Variants in PEBP4 observed in about 807,000 individuals in gnomAD.
PEBP4 encodes phosphatidylethanolamine-binding protein 4.
In PEBP4, 22 loss-of-function variants were observed where a neutral mutation model predicts 23.9. The observed-to-expected ratio is 0.92, with a 90% CI of 0.66 to 1.31. PEBP4 has a LOEUF of 1.31. Ranked by LOEUF, PEBP4 falls within the 40% of genes most tolerant of loss-of-function variation. The pLI is 0.00. For synonymous variants in PEBP4, 112 were observed against 99.3 expected, an observed-to-expected ratio of 1.13 and a Z score of -0.76; for missense variants, 324 against 281.7, an observed-to-expected ratio of 1.15 and a Z score of -1.07.
At chr8:22,721,305 AG>A (rs2128748171) in intron 6 of PEBP4, among the ~76,000 whole-genome samples, 1 of 152,226 alleles carries the variant, frequency 6.6e-6, no homozygotes, top group East Asian at 1.9e-4. Context: ...AGACCCAGGG[AG>A]GGGAGGTCAC....
intron 3 of PEBP4, among the ~76,000 whole-genome samples, chr8:22,905,343 T>A (rs1053294854): frequency 6.6e-6 from 1 of 152,082 alleles, no homozygotes. Flanking sequence ...CCTTTATGCA[T>A]AAAGATAATA....
intron 3 of PEBP4, among the ~76,000 whole-genome samples, chr8:22,834,890 G>A (rs1807167740): frequency 6.6e-6 from 1 of 152,158 alleles, no homozygotes; most frequent in African/African-American, 2.4e-5. Flanking sequence ...CCAGTCCTTG[G>A]CTGAATCAGC....
At chr8:22,789,902 TC>T (rs1806102395) in intron 4 of PEBP4, among the ~76,000 whole-genome samples, 1 of 152,246 alleles carries the variant, frequency 6.6e-6, no homozygotes, top group African/African-American at 2.4e-5. Flanking sequence ...TGCCCTGTAG[TC>T]CATGTTGATT....
intron 4 of PEBP4, among the ~76,000 whole-genome samples, chr8:22,731,615 TTTTA>T (rs756455154): frequency 0.15 from 21,848 of 147,586 alleles, 1,936 homozygotes; most frequent in Middle Eastern, 0.22. Flanking sequence ...GCCCTCATTG[TTTTA>T]TTTATTTATT....
chr8:22,783,318 G>A (rs1443593731), intron 4 of PEBP4, among the ~76,000 whole-genome samples: 1 of 152,258 alleles, frequency 6.6e-6, no homozygotes, highest in Non-Finnish European at 1.5e-5. Flanking sequence ...GCTGTCTAAT[G>A]TGGATGGCAG....
At chr8:22,826,149 C>T (rs1806964075) in intron 3 of PEBP4, among the ~76,000 whole-genome samples, 1 of 152,174 alleles carries the variant, frequency 6.6e-6, no homozygotes, top group Non-Finnish European at 1.5e-5. Flanking sequence ...TCATATTGTA[C>T]ACTCAAAAAT....
At chr8:22,728,547 T>C (rs62494334) in intron 4 of PEBP4, among the ~76,000 whole-genome samples, 6,117 of 106,980 alleles carry the variant, frequency 0.057, 151 homozygotes, top group African/African-American at 0.079. Context: ...TTCCTTCCTT[T>C]CTTTCTTTCT....
chr8:22,926,068 C>A (rs945208349), intron 2 of PEBP4, among the ~76,000 whole-genome samples: 8 of 151,184 alleles, frequency 5.3e-5, no homozygotes, highest in Admixed American at 2.0e-4. Context: ...CTCCACCTCC[C>A]AGATTCAAGG....
chr8:22,744,422 A>G (rs1162975092), intron 4 of PEBP4, among the ~76,000 whole-genome samples: 1 of 152,194 alleles, frequency 6.6e-6, no homozygotes, highest in Non-Finnish European at 1.5e-5. Flanking sequence ...CGGTGGAAAA[A>G]GACTCATGTA....
At chr8:22,788,909 G>T (rs1489704907) in intron 4 of PEBP4, among the ~76,000 whole-genome samples, 2 of 152,194 alleles carry the variant, frequency 1.3e-5, no homozygotes, top group African/African-American at 4.8e-5. Flanking sequence ...TCCAATAGTA[G>T]AGGATTGGCT....
chr8:22,875,776 C>T (rs868571428), intron 3 of PEBP4, among the ~76,000 whole-genome samples: 3 of 152,014 alleles, frequency 2.0e-5, no homozygotes, highest in African/African-American at 7.3e-5. Context: ...TCCAGAAACC[C>T]GGCGAAGTCT....
At chr8:22,770,547 C>A (rs1805697560) in intron 4 of PEBP4, among the ~76,000 whole-genome samples, 1 of 152,200 alleles carries the variant, frequency 6.6e-6, no homozygotes, top group Non-Finnish European at 1.5e-5. Flanking sequence ...GGGTTGGGGT[C>A]TGGGGTGAAT....
rs1482208701 is a variant in PEBP4 at position 22,817,746 on chromosome 8, T to C, written c.259-11A>G. On this transcript the variant is annotated splice_polypyrimidine_tract_variant and intron_variant, in intron 3 of 6. Transcript: ENST00000256404. Reference sequence around the variant, plus strand: ...GATATAGGTTGCGCCCTGTAACACATGTACCGAAAAGTAATGTAGCGTCAT... The same window carrying C: ...GATATAGGTTGCGCCCTGTAACACACGTACCGAAAAGTAATGTAGCGTCAT... The C allele has an allele frequency of 1.2e-6, 2 of 1,612,086 alleles. No homozygotes were observed. The highest frequency in any genetic ancestry group is 1.7e-5 in the Admixed American group (1 of 60,006).
chr8:22,848,624 A>AT (rs1200094561), intron 3 of PEBP4, among the ~76,000 whole-genome samples: 2 of 152,142 alleles, frequency 1.3e-5, no homozygotes, highest in East Asian at 3.9e-4. Context: ...AAACAGATCA[A>AT]TTTTTGGTAG....
chr8:22,792,617 C>T (rs927026684), intron 4 of PEBP4, among the ~76,000 whole-genome samples: 2 of 152,168 alleles, frequency 1.3e-5, no homozygotes, highest in Non-Finnish European at 2.9e-5. Context: ...TTCACACACG[C>T]TGCCTTATTT....
rs1807742054 is a variant in PEBP4, at chr8:22,860,185, T to TATATGTGTATATATATATACAC, written c.259-42451_259-42450insGTGTATATATATATACACATAT. 1.7e-4 allele frequency among the ~76,000 whole-genome samples: 9 copies of TATATGTGTATATATATATACAC among 52,668 alleles called. No homozygotes were observed. The East Asian group carries it at 0.036, about 211-fold the overall frequency. 34.6% of individuals were successfully genotyped at this position (52,668 alleles called of 152,430 possible). A position where few individuals can be genotyped will look rare whatever the true frequency, so the allele number is the denominator to read the frequency against. On this transcript the variant is annotated intron_variant, in intron 3 of 6. Transcript: ENST00000256404. ...ATATATATGTATATATATATACACA[T>TATATGTGTATATATATATACAC]ATATATGTATATATATATATACACA...
intron 3 of PEBP4, among the ~76,000 whole-genome samples, chr8:22,833,169 A>T (rs1807122762): frequency 6.6e-6 from 1 of 152,082 alleles, no homozygotes; most frequent in Non-Finnish European, 1.5e-5. Flanking sequence ...GTGAGTATGA[A>T]CTTCCTTCAT....
At chr8:22,719,715 T>C (rs1463901310) in intron 6 of PEBP4, among the ~76,000 whole-genome samples, 1 of 152,174 alleles carries the variant, frequency 6.6e-6, no homozygotes, top group African/African-American at 2.4e-5. Flanking sequence ...TTTCAGGCTT[T>C]GCTTTCCTCG....
At chr8:22,916,444 A>G (rs1270660565) in intron 3 of PEBP4, among the ~76,000 whole-genome samples, 1 of 152,134 alleles carries the variant, frequency 6.6e-6, no homozygotes, top group South Asian at 2.1e-4. Context: ...TTGCCTTCTC[A>G]TGAACCTGCC....
Sources: allele counts gnomAD v4.1 joint callset (sites outside exome capture counted in the v4.1 genomes callset), GRCh38; gene constraint gnomAD v4.1.1; transcripts MANE v1.5; gene names NCBI Gene and HGNC (gene_info 2026-07-23, HGNC 2026-07-21).